SCUBE3: variants seen among roughly 807,000 people sequenced by gnomAD.
SCUBE3 encodes signal peptide, CUB and EGF-like domain-containing protein 3.
Under a neutral mutation model 116.8 loss-of-function variants are expected in SCUBE3, and 33 were observed. The observed-to-expected ratio is 0.28, with a 90% CI of 0.21 to 0.38. The LOEUF is 0.38. Among genes scored for constraint, SCUBE3 ranks in the 10% least tolerant of loss-of-function variants. The pLI is 1.00. For missense variants in SCUBE3, 1,007 were observed against 1,324.8 expected (o/e 0.76, Z 3.72); for synonymous variants, 418 against 496.9 (o/e 0.84, Z 2.11).
chr6:35,244,543 G>A lies in SCUBE3; in HGVS notation c.2240-107G>A, dbSNP rs1427676781. On this transcript the variant is annotated intron_variant, in intron 17 of 21. Coordinates refer to ENST00000274938, the MANE Select transcript of SCUBE3 (RefSeq NM_152753.4). The surrounding 1 kb of genome is among the most constrained non-coding windows in gnomAD (Gnocchi z 4.3). ...TGAGACCCTAGAAAAGAACTTTGAT[G>A]TATCTGATCTCCTGATTCTCCAGGA... 15 of 881,912 alleles carry A rather than the reference G, an allele frequency of 1.7e-5. No homozygotes were observed. Among genetic ancestry groups the A allele is most frequent in the Admixed American group, 1.5e-4 (7 of 46,488 alleles). 54.6% of individuals were successfully genotyped at this position (881,912 alleles called of 1,614,324 possible).
chr6:35,246,572 G>A (rs1282781988), intron 21 of SCUBE3, among the ~76,000 whole-genome samples: 3 of 152,198 alleles, frequency 2.0e-5, no homozygotes, highest in African/African-American at 7.2e-5. Flanking sequence ...GGAAAGTGAG[G>A]AGAAGAAATG....
rs1782788514 is a variant in SCUBE3, at chr6:35,214,156, C to G, written c.-263C>G. ...GCCGGCTTGGAGAGGGCGGGGGTTC[C>G]CCTCCGTCAGTCGCCCCTGGCGCCC... On this transcript the variant is annotated 5_prime_UTR_variant, in exon 1 of 22. Transcript: ENST00000274938. The surrounding 1 kb of genome is among the most constrained non-coding windows in gnomAD (Gnocchi z 6.3). 1.3e-5 allele frequency among the ~76,000 whole-genome samples: 2 copies of G among 152,182 alleles called. No individual in the cohort carries two copies. Among genetic ancestry groups the G allele is most frequent in the South Asian group, 4.1e-4 (2 of 4,834 alleles).
chr6:35,248,511 A>AC, intron 21 of SCUBE3, 45 bp from the exon 22 acceptor site: 1 of 1,602,830 alleles, frequency 6.2e-7, no homozygotes. Flanking sequence ...TCTCTTTCCC[A>AC]CCCCCGACGG....
intron 2 of SCUBE3, 44 bp downstream of exon 2, chr6:35,227,746 A>G (rs1562045580): frequency 6.2e-7 from 1 of 1,609,504 alleles, no homozygotes; most frequent in East Asian, 2.2e-5. Context: ...CTGTGGAAGA[A>G]GGCAAACCAG....
rs1000269328 is a variant in SCUBE3, at chr6:35,231,059, C to A, written c.335-666C>A. On this transcript the variant is annotated intron_variant, in intron 3 of 21. Coordinates refer to ENST00000274938, the MANE Select transcript of SCUBE3 (RefSeq NM_152753.4). This position sits in a 1 kb window ranked among gnomAD's most constrained non-coding sequence, Gnocchi z 4.2. Reference sequence around the variant, plus strand: ...TAGGGTGTGGCCTGGCAGCTCTCCCCAGATCCCTCCCCGCCAAGTTGTCAG... The same window carrying A: ...TAGGGTGTGGCCTGGCAGCTCTCCCAAGATCCCTCCCCGCCAAGTTGTCAG... Among the ~76,000 whole-genome samples, 1 of 152,082 alleles carries A rather than the reference C, an allele frequency of 6.6e-6. No individual in the cohort carries two copies. Among genetic ancestry groups the A allele is most frequent in the African/African-American group, 2.4e-5 (1 of 41,410 alleles).
At position 35,249,664 on chromosome 6, in the gene SCUBE3, C is replaced by G. The variant is rs1784484340; in HGVS notation, c.*959C>G. On this transcript the variant is annotated 3_prime_UTR_variant, in exon 22 of 22. Coordinates refer to ENST00000274938, the MANE Select transcript of SCUBE3 (RefSeq NM_152753.4). ...CCTACTCCCCTTGCTACATGTTGTCCTTAAACATGGTTATTGACCTGAAGC... is the reference window on the plus strand; with the variant it reads ...CCTACTCCCCTTGCTACATGTTGTCGTTAAACATGGTTATTGACCTGAAGC... 1 of 152,624 alleles carries G rather than the reference C, an allele frequency of 6.6e-6. No individual in the cohort carries two copies. 9.5% of individuals were successfully genotyped at this position (152,624 alleles called of 1,614,324 possible).
At position 35,239,403 on chromosome 6, in the gene SCUBE3, C is replaced by CT. The variant is rs1783927900; in HGVS notation, c.830-348dup. Among the ~76,000 whole-genome samples, 1 of 151,596 alleles carries CT rather than the reference C, an allele frequency of 6.6e-6. No individual in the cohort carries two copies. The highest frequency in any genetic ancestry group is 2.1e-4 in the South Asian group (1 of 4,798). On this transcript the variant is annotated intron_variant, in intron 7 of 21. Coordinates refer to ENST00000274938, the MANE Select transcript of SCUBE3 (RefSeq NM_152753.4). The surrounding 1 kb of genome is among the most constrained non-coding windows in gnomAD (Gnocchi z 4.1). ...TCAGGGAATGGCCATCAGCTGGAGA[C>CT]TAAGGGCTAGCCTGTTAGGTCAAAT...
rs1168864737 is a variant in SCUBE3, at chr6:35,240,115, A to T, written c.952+241A>T. Among the ~76,000 whole-genome samples the T allele has an allele frequency of 6.6e-6, 1 of 152,220 alleles. No homozygotes were observed. The highest frequency in any genetic ancestry group is 2.1e-4 in the South Asian group (1 of 4,830). On this transcript the variant is annotated intron_variant, in intron 8 of 21. Coordinates refer to ENST00000274938, the MANE Select transcript of SCUBE3 (RefSeq NM_152753.4). This position sits in a 1 kb window ranked among gnomAD's most constrained non-coding sequence, Gnocchi z 4.6. ...TCACCCCAATTCATATCCTTGGCAGAGTAGGACGTACCTAACCACACATGG... is the reference window on the plus strand; with the variant it reads ...TCACCCCAATTCATATCCTTGGCAGTGTAGGACGTACCTAACCACACATGG...
chr6:35,227,382 T>C (rs1406482365), intron 1 of SCUBE3, among the ~76,000 whole-genome samples, 198 bp from the exon 2 acceptor site: 6 of 152,178 alleles, frequency 3.9e-5, no homozygotes, highest in Admixed American at 3.9e-4. Flanking sequence ...TTGAGGGCAG[T>C]GGGGGTTCCT....
chr6:35,244,130 GGTGA>G lies in SCUBE3; in HGVS notation c.2239+3_2239+6del, dbSNP rs1784221641. On this transcript the variant is annotated splice_donor_variant and splice_donor_region_variant and intron_variant, in intron 17 of 21. Coordinates refer to ENST00000274938, the MANE Select transcript of SCUBE3 (RefSeq NM_152753.4). LOFTEE classifies it high-confidence loss of function. The surrounding 1 kb of genome is among the most constrained non-coding windows in gnomAD (Gnocchi z 4.3). The stretch of plus-strand genomic sequence containing the variant: ...TTCCTTCCAAGACTGTGACACCAAA[GGTGA>G]GTAAGCTACTCACCTCCCTGGGGGA... 6.2e-7 allele frequency: 1 copy of G among 1,612,742 alleles called. No homozygotes were observed.
chr6:35,246,346 C>G (rs886842147), intron 21 of SCUBE3, 61 bp downstream of exon 21: 9 of 1,201,070 alleles, frequency 7.5e-6, no homozygotes, highest in Non-Finnish European at 9.9e-6. Flanking sequence ...AATATATAGG[C>G]AATAGGCTAA....
At position 35,248,733 on chromosome 6, in the gene SCUBE3, T is replaced by C; in HGVS notation, c.*28T>C. The C allele has an allele frequency of 6.2e-7, 1 of 1,610,076 alleles. No homozygotes were observed. Among genetic ancestry groups the C allele is most frequent in the Non-Finnish European group, 8.5e-7 (1 of 1,177,208 alleles). The stretch of plus-strand genomic sequence containing the variant: ...ACCCTAGGCTCAGAGACCCAATTTT[T>C]TAAGCCCCCAGACTCCTTAGCCCTC... On this transcript the variant is annotated 3_prime_UTR_variant, in exon 22 of 22. Coordinates refer to ENST00000274938, the MANE Select transcript of SCUBE3 (RefSeq NM_152753.4).
Position 35,238,011 on chromosome 6 carries a change from G to A in SCUBE3, c.822G>A (p.Thr274=), listed in dbSNP as rs140330370. The change falls in exon 7 of 22, where the codon ACG becomes ACA. Residue 274 remains threonine (T), a synonymous_variant. Coordinates refer to ENST00000274938, the MANE Select transcript of SCUBE3 (RefSeq NM_152753.4). ...TCATGCTGCAGCCAGACAGGAAGAC[G>A]TGCAAAGGTAAGGACTTTGAGAGGA... is the stretch of plus-strand genomic sequence containing the variant. ...VGFMLQPDRK[T]CKDIDECRLN... The A allele has an allele frequency of 2.2e-5, 35 of 1,593,876 alleles. No homozygotes were observed. The South Asian group carries it at 2.2e-4, about 10-fold the overall frequency.
chr6:35,242,897 T>G, intron 14 of SCUBE3, 117 bp downstream of exon 14: 1 of 1,505,578 alleles, frequency 6.6e-7, no homozygotes, highest in Non-Finnish European at 9.2e-7. Flanking sequence ...AGACCCTGCC[T>G]GGTGCCAAGC....
Position 35,243,761 on chromosome 6 carries a change from A to T in SCUBE3, c.2071+6A>T. The T allele has an allele frequency of 6.2e-7, 1 of 1,612,350 alleles. No homozygotes were observed. Among genetic ancestry groups the T allele is most frequent in the Non-Finnish European group, 8.5e-7 (1 of 1,179,256 alleles). ...CAACGTCACCACGTGTGCAGGTGCCAGGGGAACAAACAATACAGAGTGGGG... is the reference window on the plus strand; with the variant it reads ...CAACGTCACCACGTGTGCAGGTGCCTGGGGAACAAACAATACAGAGTGGGG... On this transcript the variant is annotated splice_donor_region_variant and intron_variant, in intron 16 of 21. Coordinates refer to ENST00000274938, the MANE Select transcript of SCUBE3 (RefSeq NM_152753.4). The surrounding 1 kb of genome is among the most constrained non-coding windows in gnomAD (Gnocchi z 6.6).
chr6:35,237,516 A>G (rs1206461234), intron 6 of SCUBE3, among the ~76,000 whole-genome samples: 1 of 152,122 alleles, frequency 6.6e-6, no homozygotes, highest in Non-Finnish European at 1.5e-5. Flanking sequence ...AGAAACTCCT[A>G]TCTGTCCCTT....
intron 1 of SCUBE3, 39 bp from the exon 2 acceptor site, chr6:35,227,541 C>A: frequency 3.1e-6 from 5 of 1,612,618 alleles, no homozygotes; most frequent in Non-Finnish European, 4.2e-6. Context: ...TTAAGAGGTG[C>A]CAACAGAGGT....
chr6:35,241,294 A>G lies in SCUBE3; in HGVS notation c.1195+28A>G, dbSNP rs756973825. The G allele has an allele frequency of 1.3e-6, 2 of 1,574,104 alleles. No individual in the cohort carries two copies. The highest frequency in any genetic ancestry group is 1.7e-6 in the Non-Finnish European group (2 of 1,154,080). ...GGGCAGTGCCCTCTGCTGGCCAAAG[A>G]TGACACTGCCATTTCAGGGAGCAGT... On this transcript the variant is annotated intron_variant, in intron 10 of 21. Coordinates refer to ENST00000274938, the MANE Select transcript of SCUBE3 (RefSeq NM_152753.4). This position sits in a 1 kb window ranked among gnomAD's most constrained non-coding sequence, Gnocchi z 4.1.
At position 35,251,464 on chromosome 6, in the gene SCUBE3, T is replaced by C. The variant is rs1009916714; in HGVS notation, c.*2759T>C. The C allele has an allele frequency of 7.9e-5, 12 of 152,262 alleles. No homozygotes were observed. Among genetic ancestry groups the C allele is most frequent in the Non-Finnish European group, 1.6e-4 (11 of 68,068 alleles). 9.4% of individuals were successfully genotyped at this position (152,262 alleles called of 1,614,324 possible). ...CCGCGCCCAGCCTAGGATAACTTTC[T>C]GATTCCTCTCTGCCAGCCGTTTTGC... On this transcript the variant is annotated 3_prime_UTR_variant, in exon 22 of 22. Transcript: ENST00000274938.
Sources: gnomAD v4.1 joint callset for allele counts (sites outside exome capture counted in the v4.1 genomes callset) on GRCh38, gnomAD v4.1.1 for gene constraint, Gnocchi (gnomAD v3.1) non-coding constraint, MANE v1.5 for transcripts, NCBI Gene and HGNC (gene_info 2026-07-23, HGNC 2026-07-21) for gene names.